Variants in SDK2 observed in about 807,000 individuals in gnomAD.
The protein encoded by SDK2 is protein sidekick-2.
In SDK2, 105 loss-of-function variants were observed where a neutral mutation model predicts 253.9. The ratio of observed to expected loss-of-function variants is 0.41; its 90% confidence interval spans 0.35 to 0.49. The LOEUF is 0.49. Ranked by LOEUF, SDK2 falls within the 20% of genes least tolerant of loss-of-function variation. SDK2 has a pLI of 0.06. For synonymous variants in SDK2, 1,249 were observed against 1,234.9 expected, an observed-to-expected ratio of 1.01 and a Z score of -0.24; for missense variants, 2,608 against 3,003.0, an observed-to-expected ratio of 0.87 and a Z score of 3.07.
In SDK2 at chr17:73,440,917, C is replaced by G; in HGVS notation, c.620G>C (p.Gly207Ala). 1 of 1,548,668 alleles carries G rather than the reference C, an allele frequency of 6.5e-7. No homozygotes were observed. The highest frequency in any genetic ancestry group is 8.7e-7 in the Non-Finnish European group (1 of 1,144,650). Residue 207 changes from glycine to alanine, a missense_variant, in exon 6 of 45, where the codon GGG (glycine) becomes GCG (alanine). By Grantham distance (60) the Gly-to-Ala change is moderately conservative. Transcript: ENST00000392650. ...GGGTGCGATGGGGTCTGCAGGCCCCCCTACATCTGGAGAGAGATCAGATGT... is the reference window on the plus strand; with the variant it reads ...GGGTGCGATGGGGTCTGCAGGCCCCGCTACATCTGGAGAGAGATCAGATGT... ...QPITLTVENV[G>A]GPADPIAPTI... is the part of the protein sequence containing the mutation.
intron 1 of SDK2, among the ~76,000 whole-genome samples, chr17:73,596,221 C>A (rs1247894108): frequency 6.6e-6 from 1 of 152,034 alleles, no homozygotes; most frequent in Non-Finnish European, 1.5e-5. Flanking sequence ...GGAGAGGGAC[C>A]CGCAGGGTGA....
At chr17:73,453,400 G>A (rs4491584) in intron 4 of SDK2, among the ~76,000 whole-genome samples, 52,523 of 145,568 alleles carry the variant, frequency 0.36, 9,527 homozygotes, top group Non-Finnish European at 0.4. Flanking sequence ...TTTTTGAGAT[G>A]GAGTCTTGCT....
Position 73,361,865 on chromosome 17 carries a change from T to G in SDK2, c.5306-20A>C. The G allele has an allele frequency of 6.4e-7, 1 of 1,560,780 alleles. No homozygotes were observed. Among genetic ancestry groups the G allele is most frequent in the Non-Finnish European group, 8.7e-7 (1 of 1,148,016 alleles). On this transcript the variant is annotated intron_variant, in intron 38 of 44. Coordinates refer to ENST00000392650, the MANE Select transcript of SDK2 (RefSeq NM_001144952.2). This position sits in a 1 kb window ranked among gnomAD's most constrained non-coding sequence, Gnocchi z 4.1. ...TGACTCCTGGGGGAGGCACAGCAAG[T>G]GGGGACTGGGCACAGGGCCCACCGA...
intron 1 of SDK2, among the ~76,000 whole-genome samples, chr17:73,592,774 G>A (rs1284449571): frequency 3.3e-5 from 5 of 152,206 alleles, no homozygotes; most frequent in African/African-American, 4.8e-5. Context: ...GGACAGGAAC[G>A]GAGGTCCAGG....
chr17:73,477,769 C>T (rs538601783), intron 2 of SDK2, among the ~76,000 whole-genome samples: 1 of 152,128 alleles, frequency 6.6e-6, no homozygotes. Flanking sequence ...GCTTCTGACC[C>T]CTCAACCTCC....
intron 3 of SDK2, among the ~76,000 whole-genome samples, chr17:73,466,719 C>A (rs888798990): frequency 6.9e-6 from 1 of 144,838 alleles, no homozygotes; most frequent in African/African-American, 2.6e-5. Flanking sequence ...GGGAACGCCC[C>A]CCCCCCCCGG....
intron 1 of SDK2, among the ~76,000 whole-genome samples, chr17:73,533,515 C>T (rs1021293427): frequency 1.3e-5 from 2 of 152,230 alleles, no homozygotes; most frequent in South Asian, 2.1e-4. Context: ...CTAGGGGAAA[C>T]GCCTAGCTCC....
intron 36 of SDK2, among the ~76,000 whole-genome samples, chr17:73,370,729 C>G: frequency 6.6e-6 from 1 of 152,080 alleles, no homozygotes; most frequent in South Asian, 2.1e-4. Flanking sequence ...CTATTTCTTT[C>G]GTAGAGATGG....
At chr17:73,508,969 C>T (rs1382318635) in intron 1 of SDK2, among the ~76,000 whole-genome samples, 2 of 152,264 alleles carry the variant, frequency 1.3e-5, no homozygotes, top group Non-Finnish European at 2.9e-5. Context: ...CTTGAGGCAG[C>T]AGCCGGCGGG....
At chr17:73,393,990 A>G (rs2062949982) in intron 26 of SDK2, among the ~76,000 whole-genome samples, 1 of 152,166 alleles carries the variant, frequency 6.6e-6, no homozygotes. Flanking sequence ...CCCGGGAGAG[A>G]TGGAGCAGCC....
chr17:73,412,059 T>C (rs374837530), intron 18 of SDK2, among the ~76,000 whole-genome samples: 40 of 4,838 alleles, frequency 8.3e-3, no homozygotes, highest in Non-Finnish European at 0.033. Context: ...TATACGTATA[T>C]GTATATATAC....
At chr17:73,473,502 T>C (rs1451351347) in intron 2 of SDK2, among the ~76,000 whole-genome samples, 1 of 152,174 alleles carries the variant, frequency 6.6e-6, no homozygotes, top group Non-Finnish European at 1.5e-5. Context: ...GACAAGTTCC[T>C]TGACACCTGC....
rs189839931 is a variant in SDK2 at position 73,374,284 on chromosome 17, G to A, written c.4980+4893C>T. Among the ~76,000 whole-genome samples the A allele has an allele frequency of 2.6e-3, 371 of 144,378 alleles. 67 individuals are homozygous for A. Among genetic ancestry groups the A allele is most frequent in the African/African-American group, 1.0e-2 (362 of 36,218 alleles). The allele number at this position is 144,378 out of a possible 152,430, so 94.7% of individuals were successfully genotyped here. A position where few individuals can be genotyped will look rare whatever the true frequency, so the allele number is the denominator to read the frequency against. On this transcript the variant is annotated intron_variant, in intron 36 of 44. Transcript: ENST00000392650. ...TCTTGAACTCCAGACATGCATCTCT[G>A]ACTCTGTTCTGTCTCCCCTCGAATG...
chr17:73,552,508 C>T (rs376192168), intron 1 of SDK2, among the ~76,000 whole-genome samples: 3 of 152,142 alleles, frequency 2.0e-5, no homozygotes, highest in East Asian at 1.9e-4. Context: ...AGCTGATGGC[C>T]GAGCGGTCAG....
chr17:73,392,557 C>A (rs1049108732), intron 27 of SDK2, among the ~76,000 whole-genome samples: 4 of 152,216 alleles, frequency 2.6e-5, no homozygotes, highest in Admixed American at 2.6e-4. Flanking sequence ...GCGTGAGCCA[C>A]CACGCCCAGC....
Position 73,361,935 on chromosome 17 carries a change from C to T in SDK2, c.5306-90G>A. The T allele has an allele frequency of 7.5e-7, 1 of 1,337,170 alleles. No homozygotes were observed. The highest frequency in any genetic ancestry group is 2.5e-5 in the East Asian group (1 of 39,228). 82.8% of individuals were successfully genotyped at this position (1,337,170 alleles called of 1,614,324 possible). Reference sequence around the variant, plus strand: ...GAAGGGGAAGCGGCCGTGGCCTGGGCCCCGGGACCCTGGGTAGGGGCCTCA... The same window carrying T: ...GAAGGGGAAGCGGCCGTGGCCTGGGTCCCGGGACCCTGGGTAGGGGCCTCA... On this transcript the variant is annotated intron_variant, in intron 38 of 44. Transcript: ENST00000392650. The surrounding 1 kb of genome is among the most constrained non-coding windows in gnomAD (Gnocchi z 4.1).
intron 18 of SDK2, among the ~76,000 whole-genome samples, chr17:73,414,309 C>A (rs1470654084): frequency 1.3e-5 from 2 of 152,078 alleles, no homozygotes; most frequent in African/African-American, 2.4e-5. Context: ...CTCAGCCTCC[C>A]AAATTGGGGA....
chr17:73,370,612 G>A (rs2062726316), intron 36 of SDK2, among the ~76,000 whole-genome samples: 1 of 151,946 alleles, frequency 6.6e-6, no homozygotes, highest in African/African-American at 2.4e-5. Context: ...AGACTGGGGT[G>A]CAGTGGCATG....
At chr17:73,387,252 T>C (rs960828160) in intron 30 of SDK2, among the ~76,000 whole-genome samples, 26 of 152,180 alleles carry the variant, frequency 1.7e-4, no homozygotes, top group Non-Finnish European at 8.8e-5. Context: ...AAGCCACCGC[T>C]CCTGGCCTCT....
Sources: allele counts gnomAD v4.1 joint callset (sites outside exome capture counted in the v4.1 genomes callset), GRCh38; gene constraint gnomAD v4.1.1; non-coding constraint Gnocchi (gnomAD v3.1); transcripts MANE v1.5; gene names NCBI Gene and HGNC (gene_info 2026-07-23, HGNC 2026-07-21).